The following ACADSB variants were observed in gnomAD, a reference collection of about 807,000 sequenced individuals.
ACADSB encodes short/branched chain specific acyl-CoA dehydrogenase, mitochondrial.
Under a neutral mutation model 54.1 loss-of-function variants are expected in ACADSB, and 40 were observed. That is an observed-to-expected ratio of 0.74 (90% confidence interval 0.57 to 0.96). The LOEUF (loss-of-function observed/expected upper bound fraction) is 0.96. Ranked by LOEUF, ACADSB falls within the 40% of genes least tolerant of loss-of-function variation. The probability of loss-of-function intolerance (pLI) is 0.00; values close to 1 mark genes in which losing one functional copy is unlikely to be tolerated. For missense variants in ACADSB, 530 were observed against 510.4 expected (o/e 1.04, Z -0.37); for synonymous variants, 182 against 182.8 (o/e 1.00, Z 0.03).
chr10:123,018,833 T>C (rs748747912), intron 1 of ACADSB, among the ~76,000 whole-genome samples: 1 of 152,080 alleles, frequency 6.6e-6, no homozygotes, highest in Non-Finnish European at 1.5e-5. Context: ...TTATTCACTA[T>C]CACGAGAACA....
At chr10:123,014,130 A>G (rs942955122) in intron 1 of ACADSB, among the ~76,000 whole-genome samples, 2 of 152,008 alleles carry the variant, frequency 1.3e-5, no homozygotes, top group East Asian at 3.9e-4. Context: ...TTAAAGGACA[A>G]CTTTGGCCTT....
Position 123,047,254 on chromosome 10 carries a change from A to G in ACADSB, c.946A>G (p.Ile316Val), listed in dbSNP as rs1131430. 116,780 of 1,607,478 alleles carry G rather than the reference A, an allele frequency of 0.073. 4,805 individuals carry two copies. The highest frequency in any genetic ancestry group is 0.085 in the Non-Finnish European group (99,810 of 1,173,820). ...QGCFDYTIPY[I>V]KERIQFGKRL... ...ATGTTTTGACTACACTATTCCATAT[A>G]TTAAAGAAAGGATACAATTTGGCAA... The change falls in exon 8 of 11, where the codon ATT (isoleucine) becomes GTT (valine). Residue 316 changes from isoleucine to valine, a missense_variant. By Grantham distance (29) the Ile-to-Val change is conservative (BLOSUM62 3). Transcript: ENST00000358776.
chr10:123,048,596 A>G (rs1420184920), intron 8 of ACADSB, among the ~76,000 whole-genome samples: 6 of 152,212 alleles, frequency 3.9e-5, no homozygotes, highest in African/African-American at 1.4e-4. Context: ...GCATATAGAT[A>G]GATAGATCAA....
chr10:123,040,589 A>G lies in ACADSB; in HGVS notation c.427A>G (p.Asn143Asp), dbSNP rs1589741183. The change falls in exon 4 of 11, where the codon AAC becomes GAC. Residue 143 changes from asparagine to aspartate, a missense_variant. By Grantham distance (23) the Asn-to-Asp change is conservative. Coordinates refer to ENST00000358776, the MANE Select transcript of ACADSB (RefSeq NM_001609.4). ...ASVAVFCEIQ[N>D]TLINTLIRKH... ...TGTGGCTGTCTTTTGTGAGATCCAG[A>G]ACACATTAATTAACACACTGATTAG... 6.2e-7 allele frequency: 1 copy of G among 1,614,100 alleles called. No individual in the cohort carries two copies. The highest frequency in any genetic ancestry group is 2.2e-5 in the East Asian group (1 of 44,874).
At chr10:123,010,681 T>C (rs557101316) in intron 1 of ACADSB, among the ~76,000 whole-genome samples, 216 of 152,302 alleles carry the variant, frequency 1.4e-3, no homozygotes, top group Non-Finnish European at 2.5e-3. Flanking sequence ...CATATGTTCA[T>C]GTAAGGCACT....
intron 1 of ACADSB, among the ~76,000 whole-genome samples, chr10:123,028,502 A>C (rs1483273048): frequency 6.6e-6 from 1 of 151,412 alleles, no homozygotes; most frequent in African/African-American, 2.4e-5. Context: ...GTCTCTACAA[A>C]AAGTTAAAAA....
intron 5 of ACADSB, among the ~76,000 whole-genome samples, chr10:123,041,912 C>G (rs1850479828): frequency 6.6e-6 from 1 of 151,742 alleles, no homozygotes; most frequent in African/African-American, 2.4e-5. Context: ...TGTGGAGGAC[C>G]AACTGTTACT....
Position 123,040,644 on chromosome 10 carries a change from C to T in ACADSB, c.482C>T (p.Thr161Ile). 2 of 1,613,934 alleles carry T rather than the reference C, an allele frequency of 1.2e-6. No individual in the cohort carries two copies. The highest frequency in any genetic ancestry group is 1.7e-6 in the Non-Finnish European group (2 of 1,179,874). Residue 161 changes from threonine to isoleucine, a missense_variant, in exon 4 of 11, where the codon ACC becomes ATC. Coordinates refer to ENST00000358776, the MANE Select transcript of ACADSB (RefSeq NM_001609.4). Reference sequence around the variant, plus strand: ...CATGGAACAGAAGAACAAAAGGCCACCTATTTGCCTCAGCTCACTACAGAA... The same window carrying T: ...CATGGAACAGAAGAACAAAAGGCCATCTATTTGCCTCAGCTCACTACAGAA... ...RKHGTEEQKATYLPQLTTEKV... is the reference protein window; with the variant it reads ...RKHGTEEQKAIYLPQLTTEKV...
At chr10:123,025,050 C>T (rs11248365) in intron 1 of ACADSB, among the ~76,000 whole-genome samples, 21,456 of 151,978 alleles carry the variant, frequency 0.14, 1,629 homozygotes, top group South Asian at 0.23. Flanking sequence ...GAGCAGTGGG[C>T]GTGCCACTGC....
chr10:123,015,535 C>A (rs1850099919), intron 1 of ACADSB, among the ~76,000 whole-genome samples: 1 of 152,198 alleles, frequency 6.6e-6, no homozygotes, highest in Admixed American at 6.5e-5. Context: ...TGTCTCCATC[C>A]ATGGCCAAAT....
chr10:123,044,326 C>A (rs1192906023), intron 6 of ACADSB, 67 bp from the exon 7 acceptor site: 4 of 1,393,502 alleles, frequency 2.9e-6, no homozygotes, highest in African/African-American at 1.4e-5. Flanking sequence ...TGTGTACTTA[C>A]AAATATATAA....
At position 123,047,312 on chromosome 10, in the gene ACADSB, A is replaced by G; in HGVS notation, c.990+14A>G. On this transcript the variant is annotated intron_variant, in intron 8 of 10. Transcript: ENST00000358776. Reference sequence around the variant, plus strand: ...TTTGATTTTCAGGTATGTAATTATTAGGGTCTTTCTGCTGTGTTAGACTTC... The same window carrying G: ...TTTGATTTTCAGGTATGTAATTATTGGGGTCTTTCTGCTGTGTTAGACTTC... 1 of 1,526,070 alleles carries G rather than the reference A, an allele frequency of 6.6e-7. No homozygotes were observed. The highest frequency in any genetic ancestry group is 1.1e-5 in the South Asian group (1 of 89,350). 94.5% of individuals were successfully genotyped at this position (1,526,070 alleles called of 1,614,324 possible). A position where few individuals can be genotyped will look rare whatever the true frequency, so the allele number is the denominator to read the frequency against.
At chr10:123,049,414 G>C (rs1162269899) in intron 8 of ACADSB, among the ~76,000 whole-genome samples, 1 of 152,174 alleles carries the variant, frequency 6.6e-6, no homozygotes, top group African/African-American at 2.4e-5. Flanking sequence ...TCTTGTAGAG[G>C]AGGAGACATG....
At chr10:123,033,598 C>T (rs1359809363) in intron 1 of ACADSB, among the ~76,000 whole-genome samples, 3 of 152,038 alleles carry the variant, frequency 2.0e-5, no homozygotes, top group African/African-American at 2.4e-5. Context: ...GTCATTACAG[C>T]GTATTGAGCT....
chr10:123,015,462 G>C (rs867195379), intron 1 of ACADSB, among the ~76,000 whole-genome samples: 6 of 152,136 alleles, frequency 3.9e-5, no homozygotes, highest in African/African-American at 7.2e-5. Flanking sequence ...AGGATGCTAA[G>C]CAGTATCCCT....
intron 5 of ACADSB, among the ~76,000 whole-genome samples, chr10:123,041,975 T>TA (rs1466965468): frequency 3.3e-5 from 5 of 150,562 alleles, no homozygotes; most frequent in South Asian, 2.1e-4. Context: ...TCTTTTTTTT[T>TA]TTTTTTTTAA....
chr10:123,032,492 A>G (rs1850339273), intron 1 of ACADSB, among the ~76,000 whole-genome samples: 1 of 151,778 alleles, frequency 6.6e-6, no homozygotes, highest in African/African-American at 2.4e-5. Flanking sequence ...TCATTCAAAT[A>G]TATATCAAGA....
At chr10:123,049,080 A>G (rs1369051686) in intron 8 of ACADSB, among the ~76,000 whole-genome samples, 1 of 152,166 alleles carries the variant, frequency 6.6e-6, no homozygotes, top group Non-Finnish European at 1.5e-5. Flanking sequence ...AGTACATGAG[A>G]TGTTTTGATA....
Position 123,043,941 on chromosome 10 carries a change from C to T in ACADSB, c.808-452C>T, listed in dbSNP as rs1850513837. Among the ~76,000 whole-genome samples, 3 of 152,152 alleles carry T rather than the reference C, an allele frequency of 2.0e-5. No individual in the cohort carries two copies. The South Asian group carries it at 6.2e-4, about 32-fold the overall frequency. ...TTTCTTGTGCATACACCTGTGTACA[C>T]ACATGCACACACACATATACCCCAC... On this transcript the variant is annotated intron_variant, in intron 6 of 10. Transcript: ENST00000358776.
Sources: allele counts gnomAD v4.1 joint callset (sites outside exome capture counted in the v4.1 genomes callset), GRCh38; gene constraint gnomAD v4.1.1; transcripts MANE v1.5; gene names NCBI Gene and HGNC (gene_info 2026-07-23, HGNC 2026-07-21).